Variants in PCSK5 observed in about 807,000 individuals in gnomAD.
PCSK5 encodes the protein proprotein convertase subtilisin/kexin type 5, also known as prohormone convertase 5.
In PCSK5, 129 loss-of-function variants were observed where a neutral mutation model predicts 233.2. The ratio of observed to expected loss-of-function variants is 0.55; its 90% CI spans 0.48 to 0.64. The LOEUF (loss-of-function observed/expected upper bound fraction) is 0.64. PCSK5 is among the 30% of genes least tolerant of loss of function. PCSK5 has a pLI of 0.00. For synonymous variants in PCSK5, 825 were observed against 879.2 expected (o/e 0.94, Z 1.09); for missense variants, 2,076 against 2,430.1 (o/e 0.85, Z 3.06).
chr9:76,198,727 C>A lies in PCSK5; in HGVS notation c.2626+8981C>A, dbSNP rs148799916. ...AATAAATATTATTGAGTCCCCGCCA[C>A]AAACTAGGTTCTGAGTGTTCTCTTG... On this transcript the variant is annotated intron_variant, in intron 20 of 37. Coordinates refer to ENST00000674117, the MANE Select transcript of PCSK5 (RefSeq NM_001372043.1). 2.2e-4 allele frequency among the ~76,000 whole-genome samples: 34 copies of A among 152,322 alleles called. No individual in the cohort carries two copies. The East Asian group carries it at 6.2e-3, about 28-fold the overall frequency.
At chr9:76,351,720 A>G (rs889842176) in intron 36 of PCSK5, among the ~76,000 whole-genome samples, 1 of 151,492 alleles carries the variant, frequency 6.6e-6, no homozygotes, top group African/African-American at 2.4e-5. Context: ...TTTGCCATGG[A>G]TTTTCTGAAA....
At chr9:76,176,617 A>T (rs1173372136) in intron 14 of PCSK5, among the ~76,000 whole-genome samples, 1 of 152,134 alleles carries the variant, frequency 6.6e-6, no homozygotes, top group African/African-American at 2.4e-5. Flanking sequence ...ATCATGTCCC[A>T]CTTTACTGCA....
At position 76,090,881 on chromosome 9, in the gene PCSK5, TG is replaced by T. The variant is rs372607664; in HGVS notation, c.895-5004del. 2.8e-3 allele frequency among the ~76,000 whole-genome samples: 430 copies of T among 152,298 alleles called. 4 individuals carry two copies. The highest frequency in any genetic ancestry group is 0.014 in the Middle Eastern group (4 of 294). On this transcript the variant is annotated intron_variant, in intron 7 of 37. Transcript: ENST00000674117. ...TTTCCTGCAGCTAAATGGTCCCATCTGGGGGTGATAGGAGACAATGACAGAT... is the reference window on the plus strand; with the variant it reads ...TTTCCTGCAGCTAAATGGTCCCATCTGGGGTGATAGGAGACAATGACAGAT...
At chr9:76,161,635 G>A (rs1822862442) in intron 12 of PCSK5, among the ~76,000 whole-genome samples, 1 of 152,108 alleles carries the variant, frequency 6.6e-6, no homozygotes, top group Admixed American at 6.5e-5. Flanking sequence ...GCCTGTCTGG[G>A]CTCTTCCTGC....
chr9:76,273,564 A>T (rs12344732), intron 24 of PCSK5, among the ~76,000 whole-genome samples: 51 of 74,848 alleles, frequency 6.8e-4, no homozygotes, highest in African/African-American at 2.4e-3. Context: ...ACAAAATAGT[A>T]ATATATATAT....
Position 76,189,080 on chromosome 9 carries a change from GT to G in PCSK5, c.2381-13del. 1 of 1,611,078 alleles carries G rather than the reference GT, an allele frequency of 6.2e-7. No homozygotes were observed. Among genetic ancestry groups the G allele is most frequent in the Admixed American group, 1.7e-5 (1 of 59,478 alleles). On this transcript the variant is annotated splice_polypyrimidine_tract_variant and intron_variant, in intron 18 of 37. Transcript: ENST00000674117. Reference sequence around the variant, plus strand: ...GTTTTATTTCTCGTTTCCTGTGTTTGTCTTGCTTTTAAGGGGCAGGAGCTGA... The same window carrying G: ...GTTTTATTTCTCGTTTCCTGTGTTTGCTTGCTTTTAAGGGGCAGGAGCTGA...
At position 76,235,935 on chromosome 9, in the gene PCSK5, C is replaced by T. The variant is rs537846632; in HGVS notation, c.2866+2339C>T. Among the ~76,000 whole-genome samples, 10 of 152,316 alleles carry T rather than the reference C, an allele frequency of 6.6e-5. No homozygotes were observed. The South Asian group carries it at 2.1e-3, about 32-fold the overall frequency. On this transcript the variant is annotated intron_variant, in intron 22 of 37. Coordinates refer to ENST00000674117, the MANE Select transcript of PCSK5 (RefSeq NM_001372043.1). Reference sequence around the variant, plus strand: ...CATAAATGGAAGCTTTAATAAAAGGCTAAAAATCCTCCAGCCGGGGTGTCC... The same window carrying T: ...CATAAATGGAAGCTTTAATAAAAGGTTAAAAATCCTCCAGCCGGGGTGTCC...
At position 76,292,218 on chromosome 9, in the gene PCSK5, A is replaced by ATTTT; in HGVS notation, c.3143-8_3143-5dup. 7.1e-7 allele frequency: 1 copy of ATTTT among 1,404,888 alleles called. No individual in the cohort carries two copies. Among genetic ancestry groups the ATTTT allele is most frequent in the Non-Finnish European group, 9.9e-7 (1 of 1,006,952 alleles). The allele number at this position is 1,404,888 out of a possible 1,614,324, so 87.0% of individuals were successfully genotyped here. ...TTCCTCATGATTATTACTTTTTATT[A>ATTTT]TTTTTTTTTTCCAGATGATCCAGGA... On this transcript the variant is annotated splice_polypyrimidine_tract_variant and intron_variant, in intron 24 of 37. Coordinates refer to ENST00000674117, the MANE Select transcript of PCSK5 (RefSeq NM_001372043.1).
intron 16 of PCSK5, among the ~76,000 whole-genome samples, chr9:76,183,309 T>C (rs550760483): frequency 1.3e-5 from 2 of 152,132 alleles, no homozygotes; most frequent in Non-Finnish European, 2.9e-5. Context: ...GGTTTGTATA[T>C]CTCTCTCTTT....
chr9:76,197,045 T>TA (rs1249712037), intron 20 of PCSK5, among the ~76,000 whole-genome samples: 2 of 152,306 alleles, frequency 1.3e-5, no homozygotes, highest in African/African-American at 4.8e-5. Context: ...GGATGAGTCT[T>TA]ACCTGGGAAG....
Position 76,067,938 on chromosome 9 carries a change from G to A in PCSK5, c.633-17G>A. 2 of 1,605,090 alleles carry A rather than the reference G, an allele frequency of 1.2e-6. No individual in the cohort carries two copies. Among genetic ancestry groups the A allele is most frequent in the Non-Finnish European group, 1.7e-6 (2 of 1,172,276 alleles). ...TGGTGTGTCTTACTTGAGAAAGTGT[G>A]TGTGTTCTGCCTGCAGGCATGGGAC... On this transcript the variant is annotated splice_polypyrimidine_tract_variant and intron_variant, in intron 5 of 37. Coordinates refer to ENST00000674117, the MANE Select transcript of PCSK5 (RefSeq NM_001372043.1).
intron 2 of PCSK5, among the ~76,000 whole-genome samples, chr9:75,941,984 G>A (rs1352127227): frequency 6.6e-6 from 1 of 152,248 alleles, no homozygotes; most frequent in African/African-American, 2.4e-5. Context: ...ACTTTGGCAA[G>A]GCTGCCAAAT....
Position 76,295,332 on chromosome 9 carries a change from A to G in PCSK5, c.3243A>G (p.Glu1081=). Residue 1081 remains glutamate, a synonymous_variant, in exon 26 of 38, where the codon GAA becomes GAG. Coordinates refer to ENST00000674117, the MANE Select transcript of PCSK5 (RefSeq NM_001372043.1). The stretch of plus-strand genomic sequence containing the variant: ...AGAAGACCTACAGTGAGGAAGTGGA[A>G]TGCAAGGCGTGTGATAGTAACTGTG... ...CPEKTYSEEV[E]CKACDSNCGS... 1 of 1,611,854 alleles carries G rather than the reference A, an allele frequency of 6.2e-7. No individual in the cohort carries two copies.
chr9:76,034,110 A>C (rs1402015126), intron 5 of PCSK5, among the ~76,000 whole-genome samples: 2 of 152,168 alleles, frequency 1.3e-5, no homozygotes, highest in African/African-American at 2.4e-5. Flanking sequence ...CCTCCCACGG[A>C]AAATTGCGGT....
intron 20 of PCSK5, among the ~76,000 whole-genome samples, chr9:76,199,782 A>G (rs1824848866): frequency 6.6e-6 from 1 of 152,146 alleles, no homozygotes; most frequent in African/African-American, 2.4e-5. Context: ...CTTAAAATAT[A>G]TATAGATTCC....
intron 20 of PCSK5, chr9:76,193,280 G>A: frequency 1.9e-6 from 3 of 1,613,492 alleles, no homozygotes; most frequent in Non-Finnish European, 2.5e-6. Flanking sequence ...GTATGCTTGT[G>A]AAAAAGAACA....
At chr9:76,144,109 C>A (rs771400116) in intron 10 of PCSK5, among the ~76,000 whole-genome samples, 1 of 150,888 alleles carries the variant, frequency 6.6e-6, no homozygotes, top group African/African-American at 2.5e-5. Context: ...AATGACTTTT[C>A]CTCCTTCCGA....
intron 8 of PCSK5, among the ~76,000 whole-genome samples, chr9:76,100,336 A>G (rs933673038): frequency 2.0e-5 from 3 of 152,290 alleles, no homozygotes; most frequent in Admixed American, 6.5e-5. Flanking sequence ...CATGTAATAC[A>G]TTTATATATT....
intron 37 of PCSK5, among the ~76,000 whole-genome samples, chr9:76,355,429 T>C (rs997458101): frequency 2.6e-5 from 4 of 151,746 alleles, no homozygotes; most frequent in East Asian, 2.0e-4. Flanking sequence ...GCCAAGATCG[T>C]GCCACTGCAC....
Sources: allele counts gnomAD v4.1 joint callset (sites outside exome capture counted in the v4.1 genomes callset), GRCh38; gene constraint gnomAD v4.1.1; transcripts MANE v1.5; gene names NCBI Gene and HGNC (gene_info 2026-07-23, HGNC 2026-07-21).